The following XYLT1 variants were observed in gnomAD, a reference collection of about 807,000 sequenced individuals.
XYLT1 encodes beta-D-xylosyltransferase 1.
XYLT1 carries 36 observed loss-of-function variants against 91.3 expected under a neutral mutation model. That is an observed-to-expected ratio of 0.39 (90% CI 0.30 to 0.52). The LOEUF (loss-of-function observed/expected upper bound fraction) is 0.52. Ranked by LOEUF, XYLT1 falls within the 20% of genes least tolerant of loss-of-function variation. The pLI is 0.68. For synonymous variants in XYLT1, 588 were observed against 532.0 expected (o/e 1.11, Z -1.45); for missense variants, 1,242 against 1,284.5 (o/e 0.97, Z 0.51).
At chr16:17,308,804 A>G (rs1384492355) in intron 2 of XYLT1, among the ~76,000 whole-genome samples, 2 of 152,146 alleles carry the variant, frequency 1.3e-5, no homozygotes, top group African/African-American at 4.8e-5. Context: ...ATGCCCAATA[A>G]ATGAAATTTA....
chr16:17,372,706 A>G (rs2035551811), intron 1 of XYLT1, among the ~76,000 whole-genome samples: 1 of 152,240 alleles, frequency 6.6e-6, no homozygotes, highest in Admixed American at 6.5e-5. Context: ...GGAAACTTGT[A>G]TCAGAGTCTC....
intron 1 of XYLT1, among the ~76,000 whole-genome samples, chr16:17,361,861 C>G (rs2035386217): frequency 6.6e-6 from 1 of 152,222 alleles, no homozygotes; most frequent in Admixed American, 6.5e-5. Flanking sequence ...CAGTTGAATA[C>G]TAGCAATAAA....
intron 1 of XYLT1, among the ~76,000 whole-genome samples, chr16:17,434,781 T>A (rs137960637): frequency 1.3e-5 from 2 of 151,050 alleles, no homozygotes; most frequent in East Asian, 3.9e-4. Flanking sequence ...TGTGGGAGGG[T>A]CTCTTCAGTT....
At chr16:17,311,852 G>T (rs960452295) in intron 2 of XYLT1, among the ~76,000 whole-genome samples, 1 of 147,020 alleles carries the variant, frequency 6.8e-6, no homozygotes, top group Non-Finnish European at 1.5e-5. Context: ...AGGAAAATGA[G>T]AGCCAAGCAA....
chr16:17,401,273 G>A (rs1296723018), intron 1 of XYLT1, among the ~76,000 whole-genome samples: 1 of 152,158 alleles, frequency 6.6e-6, no homozygotes, highest in African/African-American at 2.4e-5. Context: ...CCACCATTCT[G>A]CCTTGAGGTT....
At chr16:17,357,194 A>AAAC (rs2035312397) in intron 2 of XYLT1, among the ~76,000 whole-genome samples, 4 of 149,060 alleles carry the variant, frequency 2.7e-5, no homozygotes, top group African/African-American at 1.0e-4. Flanking sequence ...AAAAAAAAAA[A>AAAC]AAAAACGCTA....
intron 1 of XYLT1, among the ~76,000 whole-genome samples, chr16:17,404,321 T>G (rs956373665): frequency 6.6e-6 from 1 of 152,146 alleles, no homozygotes; most frequent in South Asian, 2.1e-4. Flanking sequence ...CCAACACAAT[T>G]CCTGCTACAG....
chr16:17,351,279 C>G (rs2035216649), intron 2 of XYLT1, among the ~76,000 whole-genome samples: 1 of 152,096 alleles, frequency 6.6e-6, no homozygotes, highest in African/African-American at 2.4e-5. Context: ...CTTTTGGAGG[C>G]CAAGATGGAT....
At chr16:17,196,148 T>G (rs2032423026) in intron 5 of XYLT1, among the ~76,000 whole-genome samples, 1 of 152,324 alleles carries the variant, frequency 6.6e-6, no homozygotes, top group Non-Finnish European at 1.5e-5. Context: ...TCCCAGCAGA[T>G]GGTGGGATGC....
intron 5 of XYLT1, among the ~76,000 whole-genome samples, chr16:17,179,519 GT>G (rs1438122809): frequency 1.3e-5 from 2 of 152,140 alleles, no homozygotes; most frequent in Non-Finnish European, 2.9e-5. Flanking sequence ...CCATGCAATA[GT>G]TTTCCTGGTA....
At chr16:17,205,036 A>T (rs569118762) in intron 3 of XYLT1, among the ~76,000 whole-genome samples, 17 of 152,082 alleles carry the variant, frequency 1.1e-4, no homozygotes, top group African/African-American at 4.1e-4. Context: ...AACAGAAAAT[A>T]AGTGGAAAAA....
At chr16:17,260,334 A>C (rs1055088631) in intron 2 of XYLT1, among the ~76,000 whole-genome samples, 38 of 152,320 alleles carry the variant, frequency 2.5e-4, no homozygotes, top group Middle Eastern at 3.4e-3. Context: ...CCAATGCCCC[A>C]AATTGTTTCT....
At chr16:17,445,557 G>T (rs566996843) in intron 1 of XYLT1, among the ~76,000 whole-genome samples, 2 of 152,298 alleles carry the variant, frequency 1.3e-5, no homozygotes, top group South Asian at 4.1e-4. Context: ...GGGCTGCGTG[G>T]AGGCCTGGGC....
At chr16:17,298,858 A>T (rs961916300) in intron 2 of XYLT1, among the ~76,000 whole-genome samples, 2 of 152,128 alleles carry the variant, frequency 1.3e-5, no homozygotes, top group African/African-American at 2.4e-5. Context: ...GACACGCCCT[A>T]TGAGAGCCAC....
chr16:17,409,595 G>C (rs2036081625), intron 1 of XYLT1, among the ~76,000 whole-genome samples: 3 of 149,064 alleles, frequency 2.0e-5, no homozygotes, highest in Admixed American at 6.7e-5. Flanking sequence ...TGTTGCCAAG[G>C]CTGGAGTGCA....
At chr16:17,444,536 A>G (rs2036570269) in intron 1 of XYLT1, among the ~76,000 whole-genome samples, 1 of 150,624 alleles carries the variant, frequency 6.6e-6, no homozygotes, top group African/African-American at 2.5e-5. Flanking sequence ...TAATAGAGAC[A>G]GAGTCTCACT....
chr16:17,211,690 A>T (rs2032760263), intron 3 of XYLT1, among the ~76,000 whole-genome samples: 1 of 152,200 alleles, frequency 6.6e-6, no homozygotes, highest in Admixed American at 6.5e-5. Flanking sequence ...CTGACGTCAA[A>T]TACCATGCTC....
At chr16:17,207,048 CTTTCTTTTTTT>C (rs1461980471) in intron 3 of XYLT1, among the ~76,000 whole-genome samples, 1 of 89,402 alleles carries the variant, frequency 1.1e-5, no homozygotes, top group East Asian at 2.7e-4. Flanking sequence ...GTTTTCTTTT[CTTTCTTTTTTT>C]TTTTTTTTTT....
At chr16:17,324,906 T>G (rs1305636159) in intron 2 of XYLT1, among the ~76,000 whole-genome samples, 1 of 152,214 alleles carries the variant, frequency 6.6e-6, no homozygotes, top group Non-Finnish European at 1.5e-5. Context: ...AAAGTTATTT[T>G]TAAATGAATA....
Sources: gnomAD v4.1 joint callset for allele counts (sites outside exome capture counted in the v4.1 genomes callset) on GRCh38, gnomAD v4.1.1 for gene constraint, MANE v1.5 for transcripts, NCBI Gene and HGNC (gene_info 2026-07-23, HGNC 2026-07-21) for gene names.